The following PHF8 variants were observed in gnomAD, a reference collection of about 807,000 sequenced individuals.
PHF8 encodes PHD finger protein 8, also known as histone lysine demethylase PHF8.
In PHF8, 9 loss-of-function variants were observed where a neutral mutation model predicts 74.4. The ratio of observed to expected loss-of-function variants is 0.12; its 90% CI spans 0.07 to 0.21. The LOEUF (loss-of-function observed/expected upper bound fraction) is 0.21, where lower values mean the gene tolerates loss of function less well. Ranked by LOEUF, PHF8 falls within the 10% of genes least tolerant of loss-of-function variation. PHF8 has a pLI of 1.00. For missense variants in PHF8, 478 were observed against 816.6 expected, an observed-to-expected ratio of 0.59 and a Z score of 5.05; for synonymous variants, 311 against 316.6, an observed-to-expected ratio of 0.98 and a Z score of 0.19.
chrX:53,980,121 A>G (rs2065456648), intron 18 of PHF8, among the ~76,000 whole-genome samples: 1 of 111,494 alleles, frequency 9.0e-6, no homozygotes. Context: ...TGCCCCCATC[A>G]CCACTATGAC....
intron 4 of PHF8, among the ~76,000 whole-genome samples, chrX:54,021,989 T>C (rs911489726): frequency 8.9e-6 from 1 of 112,072 alleles, no homozygotes; most frequent in Non-Finnish European, 1.9e-5. Flanking sequence ...TCTTCTTCTC[T>C]ATGAGAGAAT....
At chrX:53,981,733 T>C (rs1405464438) in intron 18 of PHF8, among the ~76,000 whole-genome samples, 3 of 112,080 alleles carry the variant, frequency 2.7e-5, no homozygotes, top group Non-Finnish European at 5.6e-5. Flanking sequence ...ACTGCTATTA[T>C]TTGAGTCTGT....
At chrX:53,960,137 G>A (rs1294234416) in intron 19 of PHF8, among the ~76,000 whole-genome samples, 4 of 108,465 alleles carry the variant, frequency 3.7e-5, no homozygotes, top group African/African-American at 6.7e-5. Flanking sequence ...GTGTAGTGGC[G>A]CGATCTCGGC....
intron 7 of PHF8, among the ~76,000 whole-genome samples, chrX:54,011,878 A>G (rs1456770737): frequency 1.1e-3 from 120 of 109,959 alleles, no homozygotes; most frequent in African/African-American, 3.5e-3. Context: ...AAAAAAAAAA[A>G]AAAGAAAGAA....
At chrX:54,042,530 G>T in intron 2 of PHF8, 101 bp downstream of exon 2, 2 of 699,437 alleles carry the variant, frequency 2.9e-6, no homozygotes, top group Non-Finnish European at 4.4e-6. Flanking sequence ...TGGGAGAGGG[G>T]GTCCTGAGCC....
chrX:53,989,246 C>A (rs1557100673), intron 14 of PHF8, among the ~76,000 whole-genome samples: 1 of 111,270 alleles, frequency 9.0e-6, no homozygotes. Context: ...CAGCTGTGAG[C>A]CACTGCACCG....
At chrX:53,972,245 C>T (rs2065303327) in intron 18 of PHF8, among the ~76,000 whole-genome samples, 1 of 105,269 alleles carries the variant, frequency 9.5e-6, no homozygotes, top group South Asian at 4.4e-4. Flanking sequence ...ATCACTTGAA[C>T]CCAGGAGGCA....
At chrX:54,012,933 C>T (rs1209647183) in intron 7 of PHF8, among the ~76,000 whole-genome samples, 3 of 92,893 alleles carry the variant, frequency 3.2e-5, no homozygotes, top group African/African-American at 8.2e-5. Context: ...AAGTGAGAGA[C>T]TGTCTCAAAA....
chrX:53,938,313 C>CCAGCCACAGCCA lies in PHF8; in HGVS notation c.*833_*844dup, dbSNP rs1292436008. 5 of 1,010,201 alleles carry CCAGCCACAGCCA rather than the reference C, an allele frequency of 4.9e-6. No individual in the cohort carries two copies. The highest frequency in any genetic ancestry group is 6.3e-6 in the Non-Finnish European group (5 of 796,534). 83.3% of individuals were successfully genotyped at this position (1,010,201 alleles called of 1,213,427 possible). A position where few individuals can be genotyped will look rare whatever the true frequency, so the allele number is the denominator to read the frequency against. On this transcript the variant is annotated 3_prime_UTR_variant, in exon 22 of 22. Transcript: ENST00000338154. ...GAGATGGTTTTCCACCTGCCAGGGCCCAGCCACAGCCACAGCCACAGCCAC... is the reference window on the plus strand; with the variant it reads ...GAGATGGTTTTCCACCTGCCAGGGCCCAGCCACAGCCACAGCCACAGCCACAGCCACAGCCAC...
chrX:54,042,620 G>C lies in PHF8; in HGVS notation c.98+11C>G. On this transcript the variant is annotated intron_variant, in intron 2 of 21. Coordinates refer to ENST00000338154, the MANE Select transcript of PHF8 (RefSeq NM_015107.3). ...CACCGCACCCTGTGTAGCCTGGCCT[G>C]CCCTCCTTACCTGCCATGAAACCAG... 2.5e-6 allele frequency: 3 copies of C among 1,201,678 alleles called. No homozygotes were observed. In the East Asian group the frequency reaches 8.9e-5, roughly 36 times the overall value.
chrX:53,992,120 A>T (rs1483531180), intron 14 of PHF8, among the ~76,000 whole-genome samples: 3 of 112,505 alleles, frequency 2.7e-5, no homozygotes, highest in African/African-American at 9.7e-5. Flanking sequence ...TTTAAAAGTA[A>T]AAATGGAACT....
At chrX:53,953,892 G>T (rs1333551733) in intron 19 of PHF8, among the ~76,000 whole-genome samples, 2 of 111,036 alleles carry the variant, frequency 1.8e-5, no homozygotes, top group Non-Finnish European at 3.8e-5. Flanking sequence ...TGAAGACACA[G>T]GTCGAAAATA....
intron 19 of PHF8, among the ~76,000 whole-genome samples, chrX:53,961,408 A>T (rs781956900): frequency 9.2e-6 from 1 of 108,768 alleles, no homozygotes; most frequent in South Asian, 4.2e-4. Flanking sequence ...GCTCACTGCA[A>T]CCTTGGCCTC....
At chrX:54,037,002 A>G (rs1284332178) in intron 2 of PHF8, among the ~76,000 whole-genome samples, 1 of 103,250 alleles carries the variant, frequency 9.7e-6, no homozygotes, top group Non-Finnish European at 2.0e-5. Flanking sequence ...AGAAAAAATA[A>G]AAAAAAAAAA....
At chrX:53,994,496 T>A (rs782372113) in intron 12 of PHF8, among the ~76,000 whole-genome samples, 1 of 112,650 alleles carries the variant, frequency 8.9e-6, no homozygotes, top group Non-Finnish European at 1.9e-5. Flanking sequence ...ATGCTTTGAA[T>A]ATTGGGCTTC....
At position 53,962,088 on chromosome X, in the gene PHF8, G is replaced by A. The variant is rs186939477; in HGVS notation, c.2539+756C>T. On this transcript the variant is annotated intron_variant, in intron 19 of 21. Coordinates refer to ENST00000338154, the MANE Select transcript of PHF8 (RefSeq NM_015107.3). ...AAAAGCTTGGTAGACTAAAGACCAT[G>A]TAGAGAGAAGCCTTGGCCATCTTAG... 1.4e-3 allele frequency among the ~76,000 whole-genome samples: 153 copies of A among 111,743 alleles called. 1 individual carries two copies. Among genetic ancestry groups the A allele is most frequent in the African/African-American group, 4.6e-3 (142 of 30,767 alleles).
chrX:53,941,441 C>T (rs1450705661), intron 20 of PHF8, among the ~76,000 whole-genome samples: 1 of 111,800 alleles, frequency 8.9e-6, no homozygotes, highest in African/African-American at 3.3e-5. Flanking sequence ...GGAGTTGTGT[C>T]ACTTCTCCCA....
chrX:53,981,692 G>A (rs936585663), intron 18 of PHF8, among the ~76,000 whole-genome samples: 2 of 111,776 alleles, frequency 1.8e-5, no homozygotes, highest in Admixed American at 9.6e-5. Flanking sequence ...CTATAATGCC[G>A]GGTACAAATG....
At chrX:53,948,680 T>C (rs182946710) in intron 19 of PHF8, among the ~76,000 whole-genome samples, 53 of 111,551 alleles carry the variant, frequency 4.8e-4, no homozygotes, top group African/African-American at 1.7e-3. Context: ...AGAATCTGAG[T>C]ATTAAGACTA....
Sources: allele counts gnomAD v4.1 joint callset (sites outside exome capture counted in the v4.1 genomes callset), GRCh38; gene constraint gnomAD v4.1.1; transcripts MANE v1.5; gene names NCBI Gene and HGNC (gene_info 2026-07-23, HGNC 2026-07-21).